SLC22A23: variants seen among roughly 807,000 people sequenced by gnomAD.
SLC22A23 encodes solute carrier family 22 member 23.
A neutral mutation model predicts 61.0 loss-of-function variants in SLC22A23; 26 were observed. The ratio of observed to expected loss-of-function variants is 0.43; its 90% CI spans 0.31 to 0.59. The LOEUF is 0.59. Ranked by LOEUF, SLC22A23 falls within the 20% of genes least tolerant of loss-of-function variation. The probability of loss-of-function intolerance (pLI) is 0.11; values close to 1 mark genes in which losing one functional copy is unlikely to be tolerated. For synonymous variants in SLC22A23, 430 were observed against 413.9 expected, an observed-to-expected ratio of 1.04 and a Z score of -0.47; for missense variants, 796 against 934.7, an observed-to-expected ratio of 0.85 and a Z score of 1.94.
At position 3,427,497 on chromosome 6, in the gene SLC22A23, C is replaced by G. The variant is rs989014434; in HGVS notation, c.655-11642G>C. Among the ~76,000 whole-genome samples the G allele has an allele frequency of 6.6e-6, 1 of 152,050 alleles. No individual in the cohort carries two copies. The highest frequency in any genetic ancestry group is 2.1e-4 in the South Asian group (1 of 4,818). ...GCACCAGATTAGAAAGTGGGCCAGA[C>G]GAGGATGGAAGACGCCCTCCAGGGA... On this transcript the variant is annotated intron_variant, in intron 1 of 9. Coordinates refer to ENST00000406686, the MANE Select transcript of SLC22A23 (RefSeq NM_015482.2). The surrounding 1 kb of genome is among the most constrained non-coding windows in gnomAD (Gnocchi z 4.3).
intron 4 of SLC22A23, among the ~76,000 whole-genome samples, chr6:3,314,478 G>A (rs778121749): frequency 3.3e-5 from 5 of 152,136 alleles, no homozygotes; most frequent in African/African-American, 9.7e-5. Context: ...ACTGGAGGCC[G>A]TCCCGGTATC....
At chr6:3,314,351 G>A (rs1457107614) in intron 4 of SLC22A23, among the ~76,000 whole-genome samples, 2 of 152,190 alleles carry the variant, frequency 1.3e-5, no homozygotes, top group Admixed American at 6.5e-5. Flanking sequence ...CTGAGCAGGA[G>A]GTGGTAGTCC....
In SLC22A23 at chr6:3,330,982, C is replaced by T. The variant is rs1184001961; in HGVS notation, c.914-6980G>A. ...TACCTATCATGTCTGCACTACTAGG[C>T]GAAGTAACAGCTCTCACTTGCTGAA... On this transcript the variant is annotated intron_variant, in intron 3 of 9. Coordinates refer to ENST00000406686, the MANE Select transcript of SLC22A23 (RefSeq NM_015482.2). This position sits in a 1 kb window ranked among gnomAD's most constrained non-coding sequence, Gnocchi z 4.7. Among the ~76,000 whole-genome samples, 12 of 152,168 alleles carry T rather than the reference C, an allele frequency of 7.9e-5. No homozygotes were observed. The highest frequency in any genetic ancestry group is 6.5e-4 in the Admixed American group (10 of 15,286).
chr6:3,280,659 C>A (rs1759383417), intron 9 of SLC22A23, among the ~76,000 whole-genome samples: 2 of 151,958 alleles, frequency 1.3e-5, no homozygotes, highest in African/African-American at 4.8e-5. Context: ...CCACGCCCGG[C>A]TAATTTTTTT....
intron 1 of SLC22A23, among the ~76,000 whole-genome samples, chr6:3,453,808 G>A (rs1468168659): frequency 6.6e-6 from 1 of 152,154 alleles, no homozygotes; most frequent in Non-Finnish European, 1.5e-5. Flanking sequence ...GAAGGCAAAG[G>A]CTCCTTCCAC....
At chr6:3,370,076 T>A (rs1395087009) in intron 3 of SLC22A23, among the ~76,000 whole-genome samples, 1 of 152,212 alleles carries the variant, frequency 6.6e-6, no homozygotes, top group African/African-American at 2.4e-5. Flanking sequence ...TCGGCTACAA[T>A]AGACTTTGCT....
intron 1 of SLC22A23, among the ~76,000 whole-genome samples, chr6:3,423,096 G>A (rs891253147): frequency 2.0e-5 from 3 of 151,628 alleles, no homozygotes; most frequent in Non-Finnish European, 2.9e-5. Flanking sequence ...CTTCTGCGCA[G>A]TGCAGCCTTC....
chr6:3,439,392 G>A (rs745614702), intron 1 of SLC22A23: 64 of 434,482 alleles, frequency 1.5e-4, no homozygotes, highest in African/African-American at 6.1e-4. Context: ...TAAGTGCACC[G>A]GAGCCACTGC....
At chr6:3,362,404 C>CAAAAAAGAAAAAAAAA (rs1765518295) in intron 3 of SLC22A23, among the ~76,000 whole-genome samples, 1 of 53,178 alleles carries the variant, frequency 1.9e-5, no homozygotes, top group East Asian at 8.1e-4. Context: ...TTCCGTCTCA[C>CAAAAAAGAAAAAAAAA]AAAAAAAAAA....
intron 3 of SLC22A23, among the ~76,000 whole-genome samples, chr6:3,362,435 ATAAAAATT>A (rs1561925519): frequency 8.8e-6 from 1 of 113,536 alleles, no homozygotes; most frequent in African/African-American, 3.6e-5. Flanking sequence ...AAAATAAAAA[ATAAAAATT>A]AGCATGCATT....
intron 1 of SLC22A23, among the ~76,000 whole-genome samples, chr6:3,434,995 C>T (rs1410928920): frequency 6.6e-6 from 1 of 152,124 alleles, no homozygotes; most frequent in Non-Finnish European, 1.5e-5. Context: ...AAAAACAGCC[C>T]CAACCCATCC....
intron 8 of SLC22A23, chr6:3,284,214 G>A: frequency 2.5e-6 from 1 of 406,122 alleles, no homozygotes; most frequent in Non-Finnish European, 4.6e-6. Flanking sequence ...AGCTCATGGT[G>A]GCCTCTATTG....
Position 3,390,584 on chromosome 6 carries a change from G to A in SLC22A23, c.913+19604C>T, listed in dbSNP as rs1363206378. ...GAGGTACACTTCGGGTTCACTTGCA[G>A]GTTTAAATGTTACCTAAGAATAACC... On this transcript the variant is annotated intron_variant, in intron 3 of 9. Transcript: ENST00000406686. This position sits in a 1 kb window ranked among gnomAD's most constrained non-coding sequence, Gnocchi z 4.0. Among the ~76,000 whole-genome samples the A allele has an allele frequency of 6.6e-6, 1 of 152,142 alleles. No individual in the cohort carries two copies. The highest frequency in any genetic ancestry group is 1.5e-5 in the Non-Finnish European group (1 of 68,036).
intron 2 of SLC22A23, among the ~76,000 whole-genome samples, chr6:3,412,532 C>T (rs1407551441): frequency 2.0e-5 from 3 of 152,144 alleles, no homozygotes; most frequent in Non-Finnish European, 4.4e-5. Context: ...AGGGCAGAAC[C>T]CTCTCAGAGA....
chr6:3,286,990 G>C lies in SLC22A23; in HGVS notation c.1415C>G (p.Thr472Arg). The change falls in exon 7 of 10, where the codon ACG (threonine) becomes AGG (arginine). Residue 472 changes from threonine to arginine, a missense_variant. Thr to Arg is a moderately conservative substitution (Grantham distance 71). Coordinates refer to ENST00000406686, the MANE Select transcript of SLC22A23 (RefSeq NM_015482.2). The surrounding 1 kb of genome is among the most constrained non-coding windows in gnomAD (Gnocchi z 4.2). Reference sequence around the variant, plus strand: ...GCAGGACACCAGCGCGATGCTGGCCGTGGTATAGTAGTCAGCATAGAAGTT... The same window carrying C: ...GCAGGACACCAGCGCGATGCTGGCCCTGGTATAGTAGTCAGCATAGAAGTT... ...LENFYADYYT[T>R]ASIALVSCLA... The C allele has an allele frequency of 6.2e-7, 1 of 1,614,180 alleles. No homozygotes were observed. The highest frequency in any genetic ancestry group is 2.2e-5 in the East Asian group (1 of 44,890).
chr6:3,441,234 T>A (rs1771573004), intron 1 of SLC22A23, among the ~76,000 whole-genome samples: 1 of 152,190 alleles, frequency 6.6e-6, no homozygotes, highest in South Asian at 2.1e-4. Flanking sequence ...CCTCAGGGGC[T>A]GGCTTGAGGG....
At chr6:3,349,796 A>G (rs730487) in intron 3 of SLC22A23, among the ~76,000 whole-genome samples, 59,774 of 152,098 alleles carry the variant, frequency 0.39, 13,369 homozygotes, top group African/African-American at 0.61. Context: ...AATTCATATG[A>G]AGTGGGCAGT....
At chr6:3,319,982 C>T (rs1273327890) in intron 4 of SLC22A23, among the ~76,000 whole-genome samples, 1 of 152,220 alleles carries the variant, frequency 6.6e-6, no homozygotes, top group East Asian at 1.9e-4. Context: ...GTCCCTGTGG[C>T]AGGCAAAGAT....
intron 4 of SLC22A23, chr6:3,323,379 T>C (rs1394788725): frequency 4.4e-6 from 2 of 457,528 alleles, no homozygotes; most frequent in Non-Finnish European, 8.8e-6. Context: ...AAACAGACAG[T>C]GGGCCTGATG....
Sources: gnomAD v4.1 joint callset for allele counts (sites outside exome capture counted in the v4.1 genomes callset) on GRCh38, gnomAD v4.1.1 for gene constraint, Gnocchi (gnomAD v3.1) non-coding constraint, MANE v1.5 for transcripts, NCBI Gene and HGNC (gene_info 2026-07-23, HGNC 2026-07-21) for gene names.